Variants in ADAMTS2 observed in about 807,000 individuals in gnomAD.
The protein encoded by ADAMTS2 is A disintegrin and metalloproteinase with thrombospondin motifs 2.
In ADAMTS2, 50 loss-of-function variants were observed where a neutral mutation model predicts 123.0. The observed-to-expected ratio is 0.41, with a 90% CI of 0.32 to 0.51. The LOEUF is 0.51. ADAMTS2 is among the 20% of genes least tolerant of loss of function. ADAMTS2 has a pLI of 0.35. For synonymous variants in ADAMTS2, 678 were observed against 695.4 expected (o/e 0.98, Z 0.39); for missense variants, 1,494 against 1,705.2 (o/e 0.88, Z 2.18).
Position 179,125,093 on chromosome 5 carries a change from T to C in ADAMTS2, c.2838A>G (p.Leu946=), listed in dbSNP as rs1762831173. Residue 946 remains leucine (L), a synonymous_variant, in exon 19 of 22, where the codon CTA becomes CTG. Transcript: ENST00000251582. ...GCACGGAGCGGGTGGTGTTGTCGTGTAGCGGCTGAATGCAGCGCACGGAGC... is the reference window on the plus strand; with the variant it reads ...GCACGGAGCGGGTGGTGTTGTCGTGCAGCGGCTGAATGCAGCGCACGGAGC... ...QVRSVRCIQP[L]HDNTTRSVHA... is the part of the protein sequence containing the mutation. The C allele has an allele frequency of 6.2e-7, 1 of 1,612,848 alleles. No individual in the cohort carries two copies. Among genetic ancestry groups the C allele is most frequent in the African/African-American group, 1.3e-5 (1 of 74,910 alleles).
At chr5:179,265,398 T>C (rs1766340713) in intron 3 of ADAMTS2, among the ~76,000 whole-genome samples, 2 of 152,188 alleles carry the variant, frequency 1.3e-5, no homozygotes, top group South Asian at 4.1e-4. Context: ...GGGGAGTTGC[T>C]GCGCACGTGG....
chr5:179,193,450 C>A (rs1275149978), intron 4 of ADAMTS2, among the ~76,000 whole-genome samples: 1 of 152,166 alleles, frequency 6.6e-6, no homozygotes, highest in East Asian at 1.9e-4. Flanking sequence ...GGAGTCAGTA[C>A]AGAGGCTCTG....
intron 1 of ADAMTS2, among the ~76,000 whole-genome samples, chr5:179,344,631 C>G (rs1416785972): frequency 1.3e-5 from 2 of 152,256 alleles, no homozygotes; most frequent in Non-Finnish European, 2.9e-5. Flanking sequence ...GCCTCCGGAG[C>G]GGCGGAGTCT....
intron 4 of ADAMTS2, among the ~76,000 whole-genome samples, chr5:179,194,165 G>A (rs1017654821): frequency 6.0e-5 from 9 of 151,040 alleles, no homozygotes; most frequent in Non-Finnish European, 8.8e-5. Flanking sequence ...CAGGAGGTCT[G>A]CGGAGGAGGG....
chr5:179,226,815 T>C (rs1765301626), intron 3 of ADAMTS2, among the ~76,000 whole-genome samples: 1 of 152,128 alleles, frequency 6.6e-6, no homozygotes, highest in African/African-American at 2.4e-5. Context: ...AGGAAATAAG[T>C]GTAAGGATAT....
chr5:179,137,714 C>G, intron 12 of ADAMTS2, 55 bp downstream of exon 12: 15 of 1,297,786 alleles, frequency 1.2e-5, no homozygotes, highest in African/African-American at 2.9e-5. Flanking sequence ...CCCCACCCTG[C>G]CCACCCTAGG....
chr5:179,114,196 C>T lies in ADAMTS2; in HGVS notation c.3307G>A (p.Glu1103Lys), dbSNP rs763179895. Residue 1103 changes from glutamate (E) to lysine (K), a missense_variant, in exon 22 of 22, where the codon GAG becomes AAG. Physicochemically the swap from Glu to Lys is moderately conservative, Grantham distance 56 (BLOSUM62 1). Coordinates refer to ENST00000251582, the MANE Select transcript of ADAMTS2 (RefSeq NM_014244.5). ...CNLYNNLTNVEGRIEPPPGKH... is the reference protein window; with the variant it reads ...CNLYNNLTNVKGRIEPPPGKH... ...CCAGGCGGTGGCTCTATCCTGCCCT[C>T]CACGTTGGTGAGGTTGTTGTACAGG... 6.2e-7 allele frequency: 1 copy of T among 1,611,972 alleles called. No homozygotes were observed. The highest frequency in any genetic ancestry group is 1.1e-5 in the South Asian group (1 of 91,016).
At chr5:179,184,616 A>G (rs1764128700) in intron 4 of ADAMTS2, among the ~76,000 whole-genome samples, 1 of 152,046 alleles carries the variant, frequency 6.6e-6, no homozygotes, top group Admixed American at 6.6e-5. Context: ...CCCTCAGCAC[A>G]GCCACGGGCC....
At chr5:179,169,354 A>T (rs1232249911) in intron 5 of ADAMTS2, among the ~76,000 whole-genome samples, 2 of 152,232 alleles carry the variant, frequency 1.3e-5, no homozygotes, top group Non-Finnish European at 2.9e-5. Context: ...AACAGTGAGT[A>T]ACACAATTCC....
At chr5:179,335,165 C>T (rs1757581332) in intron 2 of ADAMTS2, among the ~76,000 whole-genome samples, 1 of 152,014 alleles carries the variant, frequency 6.6e-6, no homozygotes, top group South Asian at 2.1e-4. Flanking sequence ...TCCAAAGCCA[C>T]ACAGTCCAAC....
Position 179,130,103 on chromosome 5 carries a change from G to T in ADAMTS2, c.2291-5C>A. 6.2e-7 allele frequency: 1 copy of T among 1,613,930 alleles called. No homozygotes were observed. Among genetic ancestry groups the T allele is most frequent in the East Asian group, 2.2e-5 (1 of 44,886 alleles). ...CTGTCTCCAGGTTCTTGACGGCTGAGAATGGCAAGACCAAGTCCCCCGTTG... is the reference window on the plus strand; with the variant it reads ...CTGTCTCCAGGTTCTTGACGGCTGATAATGGCAAGACCAAGTCCCCCGTTG... On this transcript the variant is annotated splice_polypyrimidine_tract_variant and splice_region_variant and intron_variant, in intron 15 of 21. Transcript: ENST00000251582. This position sits in a 1 kb window ranked among gnomAD's most constrained non-coding sequence, Gnocchi z 4.3.
At chr5:179,216,088 TAGAAAACGGAAGCCCAACACAGATAG>T (rs1463728472) in intron 3 of ADAMTS2, among the ~76,000 whole-genome samples, 5 of 152,150 alleles carry the variant, frequency 3.3e-5, no homozygotes, top group Admixed American at 2.0e-4. Context: ...GACACAGATA[TAGAAAACGGAAGCCCAACACAGATAG>T]AGAAAACGGG....
chr5:179,313,011 G>T (rs1756874161), intron 2 of ADAMTS2, among the ~76,000 whole-genome samples: 1 of 152,238 alleles, frequency 6.6e-6, no homozygotes, highest in Non-Finnish European at 1.5e-5. Flanking sequence ...CAGCAGTGTT[G>T]TCAGTGAGCT....
intron 10 of ADAMTS2, among the ~76,000 whole-genome samples, chr5:179,148,849 G>C (rs914766172): frequency 5.3e-5 from 8 of 152,194 alleles, no homozygotes; most frequent in South Asian, 2.1e-4. Flanking sequence ...CCAGACGGAG[G>C]GGGGTACTGT....
intron 3 of ADAMTS2, among the ~76,000 whole-genome samples, chr5:179,257,626 G>A (rs569344225): frequency 6.6e-6 from 1 of 152,188 alleles, no homozygotes; most frequent in Non-Finnish European, 1.5e-5. Context: ...ACAACAGGAC[G>A]ACCGCAGGTT....
rs982953198 is a variant in ADAMTS2 at position 179,225,647 on chromosome 5, G to A, written c.689-17932C>T. On this transcript the variant is annotated intron_variant, in intron 3 of 21. Transcript: ENST00000251582. The surrounding 1 kb of genome is among the most constrained non-coding windows in gnomAD (Gnocchi z 4.5). ...ACCAGCACGCTGCAGGCCACCGACC[G>A]GCAGAAGCAGAACGACACGGAGTTT... Among the ~76,000 whole-genome samples, 10 of 152,290 alleles carry A rather than the reference G, an allele frequency of 6.6e-5. No individual in the cohort carries two copies. The highest frequency in any genetic ancestry group is 1.3e-4 in the Admixed American group (2 of 15,302).
chr5:179,130,205 T>A lies in ADAMTS2; in HGVS notation c.2291-107A>T. 7.2e-7 allele frequency: 1 copy of A among 1,397,098 alleles called. No individual in the cohort carries two copies. The highest frequency in any genetic ancestry group is 1.0e-6 in the Non-Finnish European group (1 of 1,000,946). 86.5% of individuals were successfully genotyped at this position (1,397,098 alleles called of 1,614,324 possible). On this transcript the variant is annotated intron_variant, in intron 15 of 21. Coordinates refer to ENST00000251582, the MANE Select transcript of ADAMTS2 (RefSeq NM_014244.5). The surrounding 1 kb of genome is among the most constrained non-coding windows in gnomAD (Gnocchi z 4.3). ...TGGGGGCAGCTAGCTGGACCCCTTG[T>A]CTCTCTGGCTGCCCCCGGCCAGTTT... is the stretch of plus-strand genomic sequence containing the variant.
chr5:179,224,266 G>A (rs1409384718), intron 3 of ADAMTS2, among the ~76,000 whole-genome samples: 3 of 152,152 alleles, frequency 2.0e-5, no homozygotes, highest in South Asian at 2.1e-4. Context: ...GGGAGCTGTC[G>A]CCATGGCTCC....
rs997781501 is a variant in ADAMTS2 at position 179,185,482 on chromosome 5, A to G, written c.892-4327T>C. 2.6e-5 allele frequency among the ~76,000 whole-genome samples: 4 copies of G among 152,114 alleles called. No homozygotes were observed. The highest frequency in any genetic ancestry group is 9.6e-5 in the African/African-American group (4 of 41,502). ...TCCTGGCCAGGCCCTGCCCCTCAGGACGCAAGATCTTCCCACTCTCCTAGC... is the reference window on the plus strand; with the variant it reads ...TCCTGGCCAGGCCCTGCCCCTCAGGGCGCAAGATCTTCCCACTCTCCTAGC... On this transcript the variant is annotated intron_variant, in intron 4 of 21. Transcript: ENST00000251582. The surrounding 1 kb of genome is among the most constrained non-coding windows in gnomAD (Gnocchi z 5.9).
Sources: gnomAD v4.1 joint callset for allele counts (sites outside exome capture counted in the v4.1 genomes callset) on GRCh38, gnomAD v4.1.1 for gene constraint, Gnocchi (gnomAD v3.1) non-coding constraint, MANE v1.5 for transcripts, NCBI Gene and HGNC (gene_info 2026-07-23, HGNC 2026-07-21) for gene names.